The following POU6F2 variants were observed in gnomAD, a reference collection of about 807,000 sequenced individuals.
POU6F2 encodes POU domain, class 6, transcription factor 2.
POU6F2 carries 31 observed loss-of-function variants against 71.3 expected under a neutral mutation model. That is an observed-to-expected ratio of 0.43 (90% confidence interval 0.33 to 0.59). The LOEUF is 0.59. Ranked by LOEUF, POU6F2 falls within the 20% of genes least tolerant of loss-of-function variation. POU6F2 has a pLI of 0.04. For missense variants in POU6F2, 783 were observed against 856.8 expected (o/e 0.91, Z 1.07); for synonymous variants, 347 against 355.7 (o/e 0.98, Z 0.27).
chr7:39,453,475 G>A (rs1788708904), intron 8 of POU6F2, among the ~76,000 whole-genome samples: 1 of 152,192 alleles, frequency 6.6e-6, no homozygotes, highest in Admixed American at 6.5e-5. Context: ...GCATCTTACA[G>A]AGAAGAAATA....
rs115935787 is a variant in POU6F2 at position 39,331,890 on chromosome 7, C to T, written c.599-7752C>T. ...CACAATTGGTTTATGTTTGTTTCTC[C>T]TATTGTTTCTCATAAAACCATGCAT... is the stretch of plus-strand genomic sequence containing the variant. On this transcript the variant is annotated intron_variant, in intron 4 of 9. Transcript: ENST00000518318. 3.8e-3 allele frequency among the ~76,000 whole-genome samples: 581 copies of T among 152,286 alleles called. 2 individuals carry two copies. The highest frequency in any genetic ancestry group is 0.013 in the African/African-American group (560 of 41,554).
At chr7:39,165,553 T>C (rs1048861394) in intron 2 of POU6F2, among the ~76,000 whole-genome samples, 3 of 152,222 alleles carry the variant, frequency 2.0e-5, no homozygotes, top group African/African-American at 7.2e-5. Flanking sequence ...ATTATTTTTG[T>C]GGCTTAATAG....
intron 1 of POU6F2, among the ~76,000 whole-genome samples, chr7:38,990,159 AATTGT>A (rs1159866008): frequency 6.6e-6 from 1 of 152,160 alleles, no homozygotes; most frequent in African/African-American, 2.4e-5. Context: ...TTTATGAAAT[AATTGT>A]ATTGTATCAT....
At chr7:39,359,348 G>A (rs991916072) in intron 5 of POU6F2, among the ~76,000 whole-genome samples, 10 of 152,164 alleles carry the variant, frequency 6.6e-5, no homozygotes, top group African/African-American at 2.2e-4. Context: ...CCAGTAGAGA[G>A]AAACACCATA....
intron 4 of POU6F2, among the ~76,000 whole-genome samples, chr7:39,273,491 T>C (rs1487661765): frequency 1.3e-5 from 2 of 152,178 alleles, no homozygotes; most frequent in Non-Finnish European, 2.9e-5. Flanking sequence ...ACAGGTAACC[T>C]GGCTAGTACT....
At chr7:39,440,578 A>G (rs912906193) in intron 7 of POU6F2, among the ~76,000 whole-genome samples, 7 of 152,202 alleles carry the variant, frequency 4.6e-5, no homozygotes, top group Non-Finnish European at 1.0e-4. Context: ...CTAGTTAGCA[A>G]TTCCTCAAAC....
chr7:39,425,545 A>G (rs953059319), intron 6 of POU6F2, among the ~76,000 whole-genome samples: 1 of 152,202 alleles, frequency 6.6e-6, no homozygotes, highest in Non-Finnish European at 1.5e-5. Flanking sequence ...TTCAGCAACT[A>G]ATGCATTCGA....
chr7:39,321,800 A>G (rs1785398054), intron 4 of POU6F2, among the ~76,000 whole-genome samples: 1 of 151,876 alleles, frequency 6.6e-6, no homozygotes, highest in African/African-American at 2.4e-5. Context: ...AAAATGGAGG[A>G]GGAAGAAAGG....
intron 7 of POU6F2, among the ~76,000 whole-genome samples, chr7:39,445,676 A>C (rs192684444): frequency 6.6e-5 from 10 of 152,300 alleles, no homozygotes; most frequent in African/African-American, 2.4e-4. Flanking sequence ...AGGTCCTCCA[A>C]ATGTTTGAAG....
chr7:39,461,427 C>T (rs1326609100), intron 9 of POU6F2, among the ~76,000 whole-genome samples: 2 of 152,112 alleles, frequency 1.3e-5, no homozygotes, highest in Non-Finnish European at 2.9e-5. Flanking sequence ...TTGCACTAAT[C>T]CCATGTTTAT....
At chr7:39,190,378 TTG>T (rs1381267906) in intron 2 of POU6F2, among the ~76,000 whole-genome samples, 1 of 139,424 alleles carries the variant, frequency 7.2e-6, no homozygotes, top group African/African-American at 2.8e-5. Flanking sequence ...AGCCTCAGGT[TTG>T]AATCCCAACT....
intron 2 of POU6F2, among the ~76,000 whole-genome samples, chr7:39,180,979 T>G (rs567696881): frequency 6.6e-6 from 1 of 152,336 alleles, no homozygotes; most frequent in Admixed American, 6.5e-5. Context: ...TAGAGCAGAA[T>G]TGCTGGGGCT....
intron 4 of POU6F2, among the ~76,000 whole-genome samples, chr7:39,239,072 G>A (rs28408659): frequency 0.24 from 36,937 of 152,026 alleles, 5,459 homozygotes; most frequent in African/African-American, 0.42. Context: ...TACATATGTA[G>A]ACATTTTTGA....
intron 2 of POU6F2, among the ~76,000 whole-genome samples, chr7:39,106,294 T>C (rs1263205650): frequency 6.6e-6 from 1 of 152,228 alleles, no homozygotes; most frequent in Admixed American, 6.5e-5. Context: ...ATTGTTGCTC[T>C]CTACTACTTG....
At chr7:39,239,947 T>C (rs1044121008) in intron 4 of POU6F2, among the ~76,000 whole-genome samples, 1 of 152,150 alleles carries the variant, frequency 6.6e-6, no homozygotes, top group Non-Finnish European at 1.5e-5. Flanking sequence ...AATGGGACTA[T>C]CTTATGAGAG....
chr7:39,356,426 C>G (rs1786258751), intron 5 of POU6F2, among the ~76,000 whole-genome samples: 1 of 152,228 alleles, frequency 6.6e-6, no homozygotes, highest in Non-Finnish European at 1.5e-5. Context: ...GAAGTGCCCA[C>G]AGTGGCCCAG....
In POU6F2 at chr7:39,464,373, G is replaced by T. The variant is rs560129989; in HGVS notation, c.1850G>T (p.Arg617Leu). The change falls in exon 10 of 10, where the codon CGC (arginine) becomes CTC (leucine). Residue 617 changes from arginine to leucine, a missense_variant. This residue lies in a region of POU6F2 where 211 missense variants were observed against 283.9 expected (regional missense o/e 0.74). Transcript: ENST00000518318. This position sits in a 1 kb window ranked among gnomAD's most constrained non-coding sequence, Gnocchi z 4.1. ...CGGTGGATGGCTGAGGCTGAGGCCC[G>T]CCATCGAGCAGGTATGCAGAACCTG... ...LERWMAEAEA[R>L]HRAGMQNLTE... 1 of 1,614,026 alleles carries T rather than the reference G, an allele frequency of 6.2e-7. No individual in the cohort carries two copies. Among genetic ancestry groups the T allele is most frequent in the South Asian group, 1.1e-5 (1 of 91,090 alleles).
At chr7:39,401,522 A>T (rs1339941879) in intron 5 of POU6F2, among the ~76,000 whole-genome samples, 1 of 152,168 alleles carries the variant, frequency 6.6e-6, no homozygotes, top group Admixed American at 6.6e-5. Flanking sequence ...TAATTTCTTG[A>T]CTTTTTAAGA....
intron 2 of POU6F2, among the ~76,000 whole-genome samples, chr7:39,096,816 A>G (rs1349653877): frequency 2.0e-5 from 3 of 152,248 alleles, no homozygotes; most frequent in African/African-American, 7.2e-5. Flanking sequence ...TAATGTGGCT[A>G]TGTTTGAACG....
Sources: gnomAD v4.1 joint callset for allele counts (sites outside exome capture counted in the v4.1 genomes callset) on GRCh38, gnomAD v4.1.1 for gene constraint, gnomAD v4.1.1 regional missense constraint, Gnocchi (gnomAD v3.1) non-coding constraint, MANE v1.5 for transcripts, NCBI Gene and HGNC (gene_info 2026-07-23, HGNC 2026-07-21) for gene names.